Variants in HUWE1 observed in about 807,000 individuals in gnomAD.
HUWE1 encodes E3 ubiquitin-protein ligase HUWE1.
HUWE1 carries 18 observed loss-of-function variants against 299.4 expected under a neutral mutation model. The observed-to-expected ratio is 0.06, with a 90% CI of 0.04 to 0.09. HUWE1 has a LOEUF of 0.09. Ranked by LOEUF, HUWE1 falls within the 10% of genes least tolerant of loss-of-function variation. HUWE1 has a pLI of 1.00. For missense variants in HUWE1, 1,832 were observed against 3,462.3 expected, an observed-to-expected ratio of 0.53 and a Z score of 11.82; for synonymous variants, 1,317 against 1,286.1, an observed-to-expected ratio of 1.02 and a Z score of -0.51.
chrX:53,595,139 A>AT, intron 30 of HUWE1, 48 bp downstream of exon 30: 1 of 1,075,509 alleles, frequency 9.3e-7, no homozygotes, highest in Non-Finnish European at 1.3e-6. Context: ...CAACTTACAT[A>AT]TTTTTTATTG....
chrX:53,555,320 G>A (rs782708639), intron 60 of HUWE1, among the ~76,000 whole-genome samples: 4 of 111,611 alleles, frequency 3.6e-5, no homozygotes, highest in African/African-American at 1.3e-4. Flanking sequence ...TCAGAATTTC[G>A]TTCAAAACTC....
At chrX:53,590,938 G>A (rs782635283) in intron 34 of HUWE1, 62 bp downstream of exon 34, 3 of 1,187,853 alleles carry the variant, frequency 2.5e-6, no homozygotes, top group African/African-American at 3.5e-5. Flanking sequence ...ATAATAAGGG[G>A]AAAAAGGACT....
Position 53,603,555 on chromosome X carries a change from TA to T in HUWE1, c.2743-55del, listed in dbSNP as rs782483263. ...GGGATGTTCTCTGAACAATTATACT[TA>T]AAAAAAAAAATTGACCTTCAACAGT... On this transcript the variant is annotated intron_variant, in intron 26 of 83. Coordinates refer to ENST00000262854, the MANE Select transcript of HUWE1 (RefSeq NM_031407.7). The T allele has an allele frequency of 4.0e-3, 3,796 of 940,803 alleles. 2 individuals are homozygous for T. Among genetic ancestry groups the T allele is most frequent in the Non-Finnish European group, 4.5e-3 (3,101 of 694,930 alleles). 77.5% of individuals were successfully genotyped at this position (940,803 alleles called of 1,213,427 possible).
intron 11 of HUWE1, 39 bp from the exon 12 acceptor site, chrX:53,631,073 GA>G: frequency 1.2e-6 from 1 of 806,875 alleles, no homozygotes; most frequent in Non-Finnish European, 1.9e-6. Flanking sequence ...AAACATCAAT[GA>G]AAAAGGTGAA....
chrX:53,638,674 TTC>T (rs1419218360), intron 7 of HUWE1, among the ~76,000 whole-genome samples: 1 of 112,081 alleles, frequency 8.9e-6, no homozygotes, highest in Non-Finnish European at 1.9e-5. Context: ...GCAATGCAAA[TTC>T]TGAGGCCCAC....
intron 46 of HUWE1, among the ~76,000 whole-genome samples, chrX:53,574,183 G>C (rs2062981098): frequency 8.9e-6 from 1 of 112,163 alleles, no homozygotes; most frequent in East Asian, 2.8e-4. Context: ...AACTATTTGT[G>C]CATCTCCCTC....
rs1556958203 is a variant in HUWE1, at chrX:53,575,774, G to T, written c.5899C>A (p.Pro1967Thr). Residue 1967 changes from proline (P) to threonine (T), a missense_variant, in exon 45 of 84, where the codon CCT becomes ACT. Pro to Thr is a conservative substitution (Grantham distance 38). Around this residue, in one of 15 missense-constraint regions of HUWE1, gnomAD observed 157 missense variants for 252.3 expected, o/e 0.62. Coordinates refer to ENST00000262854, the MANE Select transcript of HUWE1 (RefSeq NM_031407.7). ...HAPEEADKSD[P>T]KPGVMTQEVG... ...TCTTGGGTCATAACCCCAGGTTTAGGATCAGATTTATCTGCTAGGAAAACA... is the reference window on the plus strand; with the variant it reads ...TCTTGGGTCATAACCCCAGGTTTAGTATCAGATTTATCTGCTAGGAAAACA... The T allele has an allele frequency of 8.3e-7, 1 of 1,211,227 alleles. No individual in the cohort carries two copies.
chrX:53,666,197 G>A (rs1463251790), intron 3 of HUWE1, among the ~76,000 whole-genome samples: 1 of 110,189 alleles, frequency 9.1e-6, no homozygotes, highest in African/African-American at 3.3e-5. Context: ...GCATTTCAAA[G>A]CTATCTAATT....
At chrX:53,597,208 A>C (rs1211861528) in intron 29 of HUWE1, among the ~76,000 whole-genome samples, 2 of 111,024 alleles carry the variant, frequency 1.8e-5, no homozygotes, top group African/African-American at 6.6e-5. Flanking sequence ...ATAATAGGAG[A>C]AGCAGCTTCT....
intron 74 of HUWE1, among the ~76,000 whole-genome samples, chrX:53,541,761 A>G (rs1392049733): frequency 8.9e-6 from 1 of 112,035 alleles, no homozygotes; most frequent in Non-Finnish European, 1.9e-5. Context: ...AGCTACTCAG[A>G]TAGCCAAGGC....
chrX:53,654,388 T>C (rs782499754), intron 3 of HUWE1, among the ~76,000 whole-genome samples: 2 of 112,234 alleles, frequency 1.8e-5, no homozygotes, highest in South Asian at 7.4e-4. Flanking sequence ...AAATTTTTTC[T>C]CTTTTACAAG....
At chrX:53,602,194 A>C (rs1490606296) in intron 28 of HUWE1, among the ~76,000 whole-genome samples, 1 of 111,832 alleles carries the variant, frequency 8.9e-6, no homozygotes, top group South Asian at 3.7e-4. Flanking sequence ...AGCATATTAG[A>C]AACTTAACAG....
intron 43 of HUWE1, among the ~76,000 whole-genome samples, chrX:53,580,216 C>A (rs1556965778): frequency 9.0e-6 from 1 of 111,569 alleles, no homozygotes; most frequent in Non-Finnish European, 1.9e-5. Context: ...GATACAATTA[C>A]ATTACCTAAT....
intron 74 of HUWE1, among the ~76,000 whole-genome samples, chrX:53,540,844 C>T (rs2061314075): frequency 9.0e-6 from 1 of 111,620 alleles, no homozygotes; most frequent in African/African-American, 3.3e-5. Context: ...CCCCATACAC[C>T]TGGCCCTGCT....
rs1160822455 is a variant in HUWE1 at position 53,629,536 on chromosome X, T to G, written c.943A>C (p.Ile315Leu). The G allele has an allele frequency of 8.4e-7, 1 of 1,186,550 alleles. No individual in the cohort carries two copies. The highest frequency in any genetic ancestry group is 1.8e-5 in the African/African-American group (1 of 56,532). The part of the protein sequence containing the change: ...LIEELVDVLQ[I>L]TDKQLMEIKA... ...CTTACCATAAGCTGCTTATCCGTTA[T>G]CTGAAGGACATCTACCAACTCCTCT... Residue 315 changes from isoleucine (I) to leucine (L), a missense_variant, in exon 13 of 84, where the codon ATA becomes CTA. By Grantham distance (5) the Ile-to-Leu change is conservative. Around this residue, in one of 15 missense-constraint regions of HUWE1, gnomAD observed 658 missense variants for 1,282.6 expected, o/e 0.51. Coordinates refer to ENST00000262854, the MANE Select transcript of HUWE1 (RefSeq NM_031407.7).
intron 52 of HUWE1, 82 bp from the exon 53 acceptor site, chrX:53,563,011 C>T: frequency 1.2e-6 from 1 of 800,524 alleles, no homozygotes; most frequent in Non-Finnish European, 1.9e-6. Context: ...TAGCTATGTA[C>T]ACCTAGCAGA....
At chrX:53,587,032 A>T in intron 37 of HUWE1, 123 bp from the exon 38 acceptor site, 1 of 791,185 alleles carries the variant, frequency 1.3e-6, no homozygotes. Context: ...GTTGAGTTCA[A>T]ATTTTACCTC....
At position 53,595,177 on chromosome X, in the gene HUWE1, T is replaced by G. The variant is rs1556983766; in HGVS notation, c.3380+10A>C. 1 of 1,188,757 alleles carries G rather than the reference T, an allele frequency of 8.4e-7. No individual in the cohort carries two copies. Among genetic ancestry groups the G allele is most frequent in the East Asian group, 3.0e-5 (1 of 33,759 alleles). On this transcript the variant is annotated intron_variant, in intron 30 of 83. Coordinates refer to ENST00000262854, the MANE Select transcript of HUWE1 (RefSeq NM_031407.7). ...ACTTTCTAGTCCCTGAATCTCAAGC[T>G]GAACTTCACCTGAATCGGGGAGTAG...
At chrX:53,614,865 T>G in intron 22 of HUWE1, 120 bp from the exon 23 acceptor site, 1 of 506,836 alleles carries the variant, frequency 2.0e-6, no homozygotes, top group South Asian at 2.6e-5. Flanking sequence ...TTTGTATACA[T>G]GTTATATACA....
Sources: gnomAD v4.1 joint callset for allele counts (sites outside exome capture counted in the v4.1 genomes callset) on GRCh38, gnomAD v4.1.1 for gene constraint, gnomAD v4.1.1 regional missense constraint, MANE v1.5 for transcripts, NCBI Gene and HGNC (gene_info 2026-07-23, HGNC 2026-07-21) for gene names.